GPC5: variants seen among roughly 807,000 people sequenced by gnomAD.
GPC5 encodes glypican 5, also known as glypican-5.
Under a neutral mutation model 53.9 loss-of-function variants are expected in GPC5, and 47 were observed. The ratio of observed to expected loss-of-function variants is 0.87; its 90% CI spans 0.69 to 1.11. The LOEUF (loss-of-function observed/expected upper bound fraction) is 1.11, where lower values mean the gene tolerates loss of function less well. Among genes scored for constraint, GPC5 ranks in the 50% most tolerant of loss-of-function variants. The probability of loss-of-function intolerance (pLI) is 0.00; values close to 1 mark genes in which losing one functional copy is unlikely to be tolerated. For missense variants in GPC5, 748 were observed against 713.1 expected (o/e 1.05, Z -0.56); for synonymous variants, 286 against 263.3 (o/e 1.09, Z -0.84).
At chr13:91,913,540 T>A (rs2039631050) in intron 6 of GPC5, among the ~76,000 whole-genome samples, 1 of 151,894 alleles carries the variant, frequency 6.6e-6, no homozygotes, top group Admixed American at 6.6e-5. Context: ...CCACACCCCC[T>A]CAAAAAAAAG....
intron 7 of GPC5, among the ~76,000 whole-genome samples, chr13:92,530,696 T>A (rs1881532984): frequency 6.6e-6 from 1 of 152,164 alleles, no homozygotes; most frequent in South Asian, 2.1e-4. Flanking sequence ...TTGAGTTCTT[T>A]ATTTTTCCTA....
chr13:92,006,054 A>C (rs12323023), intron 6 of GPC5, among the ~76,000 whole-genome samples: 9,738 of 152,248 alleles, frequency 0.064, 1,067 homozygotes, highest in African/African-American at 0.22. Flanking sequence ...TTTCCTTTCT[A>C]ATGTTGTCAC....
rs532386033 is a variant in GPC5, at chr13:92,821,323, C to T, written c.1562-44959C>T. 4.6e-5 allele frequency among the ~76,000 whole-genome samples: 7 copies of T among 152,280 alleles called. No individual in the cohort carries two copies. In the East Asian group the frequency reaches 5.8e-4, roughly 13 times the overall value. On this transcript the variant is annotated intron_variant, in intron 7 of 7. Coordinates refer to ENST00000377067, the MANE Select transcript of GPC5 (RefSeq NM_004466.6). ...CTGTATTCCTACTACTTCCTTTTCA[C>T]AATTTGTGTAATTAGAATTATGCAT...
At chr13:92,437,116 T>C (rs546086450) in intron 7 of GPC5, among the ~76,000 whole-genome samples, 3 of 152,126 alleles carry the variant, frequency 2.0e-5, no homozygotes, top group Non-Finnish European at 4.4e-5. Flanking sequence ...ACATCCAACA[T>C]TGCTCTGACA....
At chr13:92,577,806 A>C (rs910671322) in intron 7 of GPC5, among the ~76,000 whole-genome samples, 17 of 152,182 alleles carry the variant, frequency 1.1e-4, no homozygotes, top group African/African-American at 3.9e-4. Flanking sequence ...TAAGAAACAG[A>C]GACTATGCAA....
intron 2 of GPC5, among the ~76,000 whole-genome samples, chr13:91,580,171 C>T (rs1462950103): frequency 6.6e-6 from 1 of 152,154 alleles, no homozygotes; most frequent in Non-Finnish European, 1.5e-5. Flanking sequence ...CTGCCTTAGC[C>T]TCCAGAGTAT....
intron 2 of GPC5, among the ~76,000 whole-genome samples, chr13:91,565,368 A>G (rs537181442): frequency 2.0e-5 from 3 of 152,180 alleles, no homozygotes; most frequent in Non-Finnish European, 4.4e-5. Context: ...TTTGGAGTTT[A>G]TACTGCTTAA....
intron 6 of GPC5, among the ~76,000 whole-genome samples, chr13:92,130,179 A>G (rs554691624): frequency 1.3e-5 from 2 of 152,080 alleles, no homozygotes; most frequent in African/African-American, 4.8e-5. Flanking sequence ...AGTGAAAAAC[A>G]CAAAAGTGAG....
chr13:91,498,456 G>A (rs1884425797), intron 2 of GPC5, among the ~76,000 whole-genome samples: 1 of 152,044 alleles, frequency 6.6e-6, no homozygotes, highest in Non-Finnish European at 1.5e-5. Flanking sequence ...GGGTCCGCAT[G>A]TGATGGTTTA....
intron 2 of GPC5, among the ~76,000 whole-genome samples, chr13:91,618,237 G>A (rs2033753250): frequency 1.3e-5 from 2 of 152,138 alleles, no homozygotes. Context: ...TAATGCAGGA[G>A]AGGCATGGGA....
At chr13:92,287,792 G>C (rs1227090393) in intron 7 of GPC5, among the ~76,000 whole-genome samples, 1 of 152,030 alleles carries the variant, frequency 6.6e-6, no homozygotes, top group Non-Finnish European at 1.5e-5. Flanking sequence ...TGATGTGTTG[G>C]TTCATGTCTT....
chr13:91,802,352 G>A (rs932806813), intron 5 of GPC5, among the ~76,000 whole-genome samples: 8 of 152,102 alleles, frequency 5.3e-5, no homozygotes, highest in Non-Finnish European at 7.4e-5. Context: ...TGTTCCTCCC[G>A]GTGGGTTCGT....
At chr13:92,519,706 AC>A (rs1358501640) in intron 7 of GPC5, among the ~76,000 whole-genome samples, 1 of 152,202 alleles carries the variant, frequency 6.6e-6, no homozygotes, top group Non-Finnish European at 1.5e-5. Context: ...CCCTAACAAC[AC>A]AATTAAAAGA....
chr13:92,445,188 GCTCCTTTCCC>G (rs201316043), intron 7 of GPC5, among the ~76,000 whole-genome samples: 5,738 of 143,400 alleles, frequency 0.04, 157 homozygotes, highest in Middle Eastern at 0.086. Flanking sequence ...TTCTTTCCTT[GCTCCTTTCCC>G]CTCCTCTCCC....
intron 7 of GPC5, among the ~76,000 whole-genome samples, chr13:92,273,986 T>G (rs2139158911): frequency 6.6e-6 from 1 of 152,304 alleles, no homozygotes. Flanking sequence ...GAGTATGCTC[T>G]TTAATTGACT....
intron 7 of GPC5, among the ~76,000 whole-genome samples, chr13:92,652,607 A>G (rs1885993137): frequency 6.6e-6 from 1 of 152,156 alleles, no homozygotes; most frequent in African/African-American, 2.4e-5. Context: ...GAGATTTTGC[A>G]TATTTTACTT....
intron 7 of GPC5, among the ~76,000 whole-genome samples, chr13:92,663,493 C>CT (rs921745497): frequency 6.7e-6 from 1 of 150,152 alleles, no homozygotes; most frequent in Non-Finnish European, 1.5e-5. Flanking sequence ...AATCTCAGCA[C>CT]TTTGGGAGGC....
At chr13:91,780,072 C>T (rs2037774737) in intron 5 of GPC5, among the ~76,000 whole-genome samples, 1 of 152,152 alleles carries the variant, frequency 6.6e-6, no homozygotes, top group African/African-American at 2.4e-5. Context: ...ATCACACAAA[C>T]ACCAAACATG....
rs550686244 is a variant in GPC5, at chr13:92,108,270, C to T, written c.1402-36560C>T. 8.5e-4 allele frequency among the ~76,000 whole-genome samples: 129 copies of T among 152,242 alleles called. 1 individual carries two copies. The highest frequency in any genetic ancestry group is 3.0e-3 in the African/African-American group (123 of 41,550). ...CTGCGTGATGGGTAATAAAAGGGTACTTATGAAAAATATCCTTAGAGGACT... is the reference window on the plus strand; with the variant it reads ...CTGCGTGATGGGTAATAAAAGGGTATTTATGAAAAATATCCTTAGAGGACT... On this transcript the variant is annotated intron_variant, in intron 6 of 7. Coordinates refer to ENST00000377067, the MANE Select transcript of GPC5 (RefSeq NM_004466.6).
Sources: allele counts gnomAD v4.1 joint callset (sites outside exome capture counted in the v4.1 genomes callset), GRCh38; gene constraint gnomAD v4.1.1; transcripts MANE v1.5; gene names NCBI Gene and HGNC (gene_info 2026-07-23, HGNC 2026-07-21).